The following PCDHGA3 variants were observed in gnomAD, a reference collection of about 807,000 sequenced individuals.
PCDHGA3 encodes protocadherin gamma-A3.
A neutral mutation model predicts 58.5 loss-of-function variants in PCDHGA3; 40 were observed. The ratio of observed to expected loss-of-function variants is 0.68; its 90% CI spans 0.53 to 0.89. The LOEUF (loss-of-function observed/expected upper bound fraction) is 0.89, where lower values mean the gene tolerates loss of function less well. PCDHGA3 is among the 40% of genes least tolerant of loss of function. The pLI is 0.00. For missense variants in PCDHGA3, 1,223 were observed against 1,195.9 expected (o/e 1.02, Z -0.33); for synonymous variants, 530 against 525.7 (o/e 1.01, Z -0.11).
At chr5:141,377,774 A>T (rs1279958954) in intron 1 of PCDHGA3, 1 of 152,232 alleles carries the variant, frequency 6.6e-6, no homozygotes, top group Non-Finnish European at 1.5e-5. Context: ...TTGGTGTTAA[A>T]AGACCTGAAT....
chr5:141,427,126 C>T (rs1216633922), intron 1 of PCDHGA3: 1 of 457,282 alleles, frequency 2.2e-6, no homozygotes, highest in Non-Finnish European at 4.4e-6. Context: ...TCTTTCAAAT[C>T]CCTACGAGAT....
intron 1 of PCDHGA3, among the ~76,000 whole-genome samples, chr5:141,488,600 A>G (rs2099677400): frequency 6.6e-6 from 1 of 152,166 alleles, no homozygotes; most frequent in Admixed American, 6.5e-5. Flanking sequence ...AAGACTTTAC[A>G]AGGTTCTTAC....
At chr5:141,384,808 G>A in intron 1 of PCDHGA3, 3 of 1,613,484 alleles carry the variant, frequency 1.9e-6, no homozygotes, top group Non-Finnish European at 2.5e-6. Flanking sequence ...GGACAGAGAT[G>A]CCCTCAAGCA....
At chr5:141,351,694 A>G in intron 1 of PCDHGA3, 3 of 1,613,918 alleles carry the variant, frequency 1.9e-6, no homozygotes, top group Non-Finnish European at 2.5e-6. Context: ...CGGATTTGGG[A>G]CCCAACGGCA....
chr5:141,509,086 A>T lies in PCDHGA3; in HGVS notation c.2573-1861A>T, dbSNP rs147084289. On this transcript the variant is annotated intron_variant, in intron 3 of 3. Coordinates refer to ENST00000253812, the MANE Select transcript of PCDHGA3 (RefSeq NM_018916.4). ...CAGCTCCGGGGATTTGCGACATGAAATGGGGGCTGTAGAAACCTGAGCGCT... is the reference window on the plus strand; with the variant it reads ...CAGCTCCGGGGATTTGCGACATGAATTGGGGGCTGTAGAAACCTGAGCGCT... 8.3e-3 allele frequency among the ~76,000 whole-genome samples: 1,261 copies of T among 152,228 alleles called. 7 individuals are homozygous for T. Among genetic ancestry groups the T allele is most frequent in the Middle Eastern group, 0.037 (11 of 294 alleles).
intron 1 of PCDHGA3, chr5:141,370,755 G>A: frequency 6.2e-7 from 1 of 1,613,972 alleles, no homozygotes; most frequent in South Asian, 1.1e-5. Context: ...TCATGTAACT[G>A]TGCTGATCCA....
At chr5:141,357,491 G>A in intron 1 of PCDHGA3, 1 of 1,614,224 alleles carries the variant, frequency 6.2e-7, no homozygotes, top group African/African-American at 1.3e-5. Context: ...GCGGACTCGC[G>A]GAAGAGTCAC....
intron 1 of PCDHGA3, among the ~76,000 whole-genome samples, chr5:141,387,512 T>G (rs1371060044): frequency 1.3e-5 from 2 of 152,256 alleles, no homozygotes; most frequent in South Asian, 4.1e-4. Flanking sequence ...TTAGACGTCA[T>G]TAAATATACA....
intron 1 of PCDHGA3, chr5:141,428,285 C>CA (rs2097130658): frequency 2.7e-6 from 2 of 734,934 alleles, no homozygotes; most frequent in Non-Finnish European, 4.7e-6. Context: ...GATTCCCAAG[C>CA]AAAGCTGCAG....
chr5:141,361,683 G>T lies in PCDHGA3; in HGVS notation c.2424+15226G>T, dbSNP rs1176018723. 5 of 1,613,592 alleles carry T rather than the reference G, an allele frequency of 3.1e-6. No individual in the cohort carries two copies. The South Asian group carries it at 5.5e-5, about 18-fold the overall frequency. ...GCGCGCAGAGCGGGGTGGTGTTCGC[G>T]CAGCGCGCCTTCGATCATGAGCAGC... is the stretch of plus-strand genomic sequence containing the variant. On this transcript the variant is annotated intron_variant, in intron 1 of 3. Transcript: ENST00000253812.
chr5:141,395,101 C>G, intron 1 of PCDHGA3: 3 of 1,614,164 alleles, frequency 1.9e-6, no homozygotes, highest in East Asian at 2.2e-5. Context: ...ACCGCCGACT[C>G]GCGGAAGAGT....
At chr5:141,374,388 G>T (rs779801370) in intron 1 of PCDHGA3, 3 of 1,614,044 alleles carry the variant, frequency 1.9e-6, no homozygotes, top group Non-Finnish European at 2.5e-6. Context: ...AGCCCGCGGT[G>T]TCTGGTGAGT....
Position 141,365,829 on chromosome 5 carries a change from C to G in PCDHGA3, c.2424+19372C>G, listed in dbSNP as rs776903918. ...GCTGAAGACACATTTCAGGGGGCGC[C>G]CTTGTCCTCCTATGTATCCATTAAC... On this transcript the variant is annotated intron_variant, in intron 1 of 3. Coordinates refer to ENST00000253812, the MANE Select transcript of PCDHGA3 (RefSeq NM_018916.4). 3 of 1,613,964 alleles carry G rather than the reference C, an allele frequency of 1.9e-6. No individual in the cohort carries two copies. The South Asian group carries it at 3.3e-5, about 18-fold the overall frequency.
chr5:141,456,463 G>A (rs1195450847), intron 1 of PCDHGA3, among the ~76,000 whole-genome samples: 1 of 152,122 alleles, frequency 6.6e-6, no homozygotes, highest in Non-Finnish European at 1.5e-5. Context: ...ATCAATACAA[G>A]ACATATAAGC....
At chr5:141,418,530 G>C in intron 1 of PCDHGA3, 1 of 1,613,952 alleles carries the variant, frequency 6.2e-7, no homozygotes, top group Non-Finnish European at 8.5e-7. Flanking sequence ...CCCCGAAGCG[G>C]TACTGCTCAG....
chr5:141,394,821 G>C (rs2093106496), intron 1 of PCDHGA3: 4 of 1,613,862 alleles, frequency 2.5e-6, no homozygotes, highest in Middle Eastern at 1.6e-4. Flanking sequence ...CAGCATCCCC[G>C]AAGTCCTGAC....
intron 1 of PCDHGA3, chr5:141,377,847 A>G (rs1774398188): frequency 6.6e-6 from 1 of 152,152 alleles, no homozygotes; most frequent in Non-Finnish European, 1.5e-5. Flanking sequence ...TCTTCCAATT[A>G]AAATTAAGAT....
chr5:141,505,628 A>C, intron 3 of PCDHGA3, 147 bp downstream of exon 3: 1 of 1,481,752 alleles, frequency 6.7e-7, no homozygotes, highest in Non-Finnish European at 9.0e-7. Flanking sequence ...ACAATTCCAA[A>C]CATAAAGCCT....
rs1289890545 is a variant in PCDHGA3, at chr5:141,414,874, C to T, written c.2424+68417C>T. ...CCAGAACGACAATGCGCCCGAGATC[C>T]TGTACCCCGCCCTCCCCACAGACGG... is the stretch of plus-strand genomic sequence containing the variant. On this transcript the variant is annotated intron_variant, in intron 1 of 3. Transcript: ENST00000253812. 3.7e-6 allele frequency: 6 copies of T among 1,614,136 alleles called. No individual in the cohort carries two copies. The African/African-American group carries it at 8.0e-5, about 22-fold the overall frequency.
Sources: allele counts gnomAD v4.1 joint callset (sites outside exome capture counted in the v4.1 genomes callset), GRCh38; gene constraint gnomAD v4.1.1; transcripts MANE v1.5; gene names NCBI Gene and HGNC (gene_info 2026-07-23, HGNC 2026-07-21).